LRRK1: variants seen among roughly 807,000 people sequenced by gnomAD.
The protein encoded by LRRK1 is leucine-rich repeat serine/threonine-protein kinase 1.
A neutral mutation model predicts 209.1 loss-of-function variants in LRRK1; 113 were observed. The observed-to-expected ratio is 0.54, with a 90% CI of 0.46 to 0.63. LRRK1 has a LOEUF of 0.63. Among genes scored for constraint, LRRK1 ranks in the 30% least tolerant of loss-of-function variants. The probability of loss-of-function intolerance (pLI) is 0.00; values close to 1 mark genes in which losing one functional copy is unlikely to be tolerated. For missense variants in LRRK1, 2,284 were observed against 2,632.2 expected (o/e 0.87, Z 2.89); for synonymous variants, 1,144 against 1,099.7 (o/e 1.04, Z -0.80).
intron 20 of LRRK1, among the ~76,000 whole-genome samples, chr15:101,037,115 T>G (rs2034522414): frequency 6.6e-6 from 1 of 152,148 alleles, no homozygotes; most frequent in African/African-American, 2.4e-5. Flanking sequence ...GGTAGTGGCA[T>G]CAGTGGGCCA....
intron 4 of LRRK1, 162 bp from the exon 5 acceptor site, chr15:100,988,472 A>C: frequency 1.4e-6 from 1 of 715,984 alleles, no homozygotes; most frequent in South Asian, 1.6e-5. Context: ...TGCAAAGTAC[A>C]TGATCTCATT....
intron 26 of LRRK1, 25 bp downstream of exon 26, chr15:101,053,445 G>C (rs762075888): frequency 6.5e-7 from 1 of 1,544,340 alleles, no homozygotes; most frequent in African/African-American, 1.4e-5. Flanking sequence ...CGCCCCACCC[G>C]GCCCCGGAGA....
At chr15:100,962,340 G>A (rs1017866826) in intron 2 of LRRK1, among the ~76,000 whole-genome samples, 21 of 152,070 alleles carry the variant, frequency 1.4e-4, no homozygotes, top group African/African-American at 4.8e-4. Flanking sequence ...GACCAGCCTG[G>A]CCAATGTGGC....
In LRRK1 at chr15:100,973,971, G is replaced by T; in HGVS notation, c.261+4G>T. 1 of 1,247,546 alleles carries T rather than the reference G, an allele frequency of 8.0e-7. No individual in the cohort carries two copies. The highest frequency in any genetic ancestry group is 3.7e-5 in the South Asian group (1 of 26,926). 77.3% of individuals were successfully genotyped at this position (1,247,546 alleles called of 1,614,324 possible). A position where few individuals can be genotyped will look rare whatever the true frequency, so the allele number is the denominator to read the frequency against. ...GTGCGCGTCCCAGCTGGAAAAGGTAGGGGAGCGCCTGCCCCTGCGGCCACC... is the reference window on the plus strand; with the variant it reads ...GTGCGCGTCCCAGCTGGAAAAGGTATGGGAGCGCCTGCCCCTGCGGCCACC... On this transcript the variant is annotated splice_donor_region_variant and intron_variant, in intron 3 of 33. Transcript: ENST00000388948.
In LRRK1 at chr15:101,070,926, A is replaced by G. The variant is rs550540098; in HGVS notation, c.*2078A>G. ...AACATTGCAACACAAATGAGAGACA[A>G]AGACCTCACTTATCTTCATTACAGA... On this transcript the variant is annotated 3_prime_UTR_variant, in exon 34 of 34. Coordinates refer to ENST00000388948, the MANE Select transcript of LRRK1 (RefSeq NM_024652.6). 50 of 152,372 alleles carry G rather than the reference A, an allele frequency of 3.3e-4. No homozygotes were observed. Among genetic ancestry groups the G allele is most frequent in the Non-Finnish European group, 6.5e-4 (44 of 68,040 alleles). The allele number at this position is 152,372 out of a possible 1,614,324, so 9.4% of individuals were successfully genotyped here.
intron 2 of LRRK1, among the ~76,000 whole-genome samples, chr15:100,967,253 T>C (rs2030522270): frequency 6.6e-6 from 1 of 152,204 alleles, no homozygotes; most frequent in African/African-American, 2.4e-5. Context: ...GCTGCCTTAT[T>C]CACACGTATA....
In LRRK1 at chr15:101,021,217, G is replaced by C. The variant is rs774388654; in HGVS notation, c.1739+35G>C. On this transcript the variant is annotated intron_variant, in intron 13 of 33. Coordinates refer to ENST00000388948, the MANE Select transcript of LRRK1 (RefSeq NM_024652.6). ...CATCTGGAGGGGCCGTGCTGGCTCT[G>C]CTGGCCCAGAGAGGCAGAACGCCCA... The C allele has an allele frequency of 6.8e-6, 11 of 1,611,342 alleles. No homozygotes were observed. The Admixed American group carries it at 1.7e-4, about 24-fold the overall frequency.
chr15:101,057,058 G>A lies in LRRK1; in HGVS notation c.4527+8G>A, dbSNP rs1364104417. The A allele has an allele frequency of 1.3e-6, 2 of 1,593,554 alleles. No individual in the cohort carries two copies. Among genetic ancestry groups the A allele is most frequent in the Non-Finnish European group, 1.7e-6 (2 of 1,168,768 alleles). ...GACACTAAGCCAGAGAAGGTACTTGGGGACACAGAGCCCAGGGCCTGGGAC... is the reference window on the plus strand; with the variant it reads ...GACACTAAGCCAGAGAAGGTACTTGAGGACACAGAGCCCAGGGCCTGGGAC... On this transcript the variant is annotated splice_region_variant and intron_variant, in intron 28 of 33. Coordinates refer to ENST00000388948, the MANE Select transcript of LRRK1 (RefSeq NM_024652.6).
At chr15:101,006,745 G>A (rs935893948) in intron 6 of LRRK1, among the ~76,000 whole-genome samples, 5 of 152,210 alleles carry the variant, frequency 3.3e-5, no homozygotes, top group African/African-American at 1.2e-4. Flanking sequence ...GTGTATTTGT[G>A]TGGAGAAAGA....
At position 101,076,184 on chromosome 15, in the gene LRRK1, T is replaced by C. The variant is rs1273166694; in HGVS notation, c.*7336T>C. The C allele has an allele frequency of 5.3e-5, 8 of 152,272 alleles. No homozygotes were observed. Among genetic ancestry groups the C allele is most frequent in the African/African-American group, 1.7e-4 (7 of 41,556 alleles). 9.4% of individuals were successfully genotyped at this position (152,272 alleles called of 1,614,324 possible). On this transcript the variant is annotated 3_prime_UTR_variant, in exon 34 of 34. Transcript: ENST00000388948. ...TGTTTTAGCCTAGCCCTCATGTCTC[T>C]GTGCAGCGGCTGCTGCCACCCTAAT...
At chr15:100,991,148 A>G (rs568315749) in intron 6 of LRRK1, among the ~76,000 whole-genome samples, 2 of 152,286 alleles carry the variant, frequency 1.3e-5, no homozygotes, top group Admixed American at 1.3e-4. Flanking sequence ...CCCAGTACCT[A>G]TATCTGTATA....
intron 2 of LRRK1, among the ~76,000 whole-genome samples, chr15:100,967,421 A>G (rs2030535561): frequency 6.6e-6 from 1 of 152,186 alleles, no homozygotes; most frequent in South Asian, 2.1e-4. Context: ...TTTCAGGACG[A>G]TTGCCTTTGA....
At chr15:100,960,518 T>A (rs2029878562) in intron 2 of LRRK1, among the ~76,000 whole-genome samples, 1 of 152,216 alleles carries the variant, frequency 6.6e-6, no homozygotes, top group Non-Finnish European at 1.5e-5. Flanking sequence ...TTATGTGATT[T>A]TTAATTTTCC....
At chr15:100,998,193 A>G (rs959895901) in intron 6 of LRRK1, among the ~76,000 whole-genome samples, 5 of 151,984 alleles carry the variant, frequency 3.3e-5, no homozygotes, top group African/African-American at 7.3e-5. Context: ...AAAAAAAAAA[A>G]AAAGAAAGGA....
Position 101,069,068 on chromosome 15 carries a change from A to G in LRRK1, c.*220A>G, listed in dbSNP as rs73490932. 12,663 of 434,730 alleles carry G rather than the reference A, an allele frequency of 0.029. 1,267 individuals carry two copies. The highest frequency in any genetic ancestry group is 0.22 in the African/African-American group (11,164 of 49,728). 26.9% of individuals were successfully genotyped at this position (434,730 alleles called of 1,614,324 possible). ...AGTTCTCTGAATACCCCATCCCCCA[A>G]CTGCTGATTTTACAGCCCCAGGGAA... is the stretch of plus-strand genomic sequence containing the variant. On this transcript the variant is annotated 3_prime_UTR_variant, in exon 34 of 34. Transcript: ENST00000388948.
intron 6 of LRRK1, among the ~76,000 whole-genome samples, chr15:100,999,024 T>G (rs1342105955): frequency 6.6e-6 from 1 of 152,250 alleles, no homozygotes; most frequent in African/African-American, 2.4e-5. Flanking sequence ...TTTTAATCTC[T>G]TATACAGCCT....
rs2036726117 is a variant in LRRK1 at position 101,069,905 on chromosome 15, C to T, written c.*1057C>T. The T allele has an allele frequency of 6.6e-6, 1 of 152,252 alleles. No individual in the cohort carries two copies. The highest frequency in any genetic ancestry group is 1.5e-5 in the Non-Finnish European group (1 of 68,050). 9.4% of individuals were successfully genotyped at this position (152,252 alleles called of 1,614,324 possible). A position where few individuals can be genotyped will look rare whatever the true frequency, so the allele number is the denominator to read the frequency against. On this transcript the variant is annotated 3_prime_UTR_variant, in exon 34 of 34. Coordinates refer to ENST00000388948, the MANE Select transcript of LRRK1 (RefSeq NM_024652.6). The stretch of plus-strand genomic sequence containing the variant: ...ACACACATGCACACACATATGCACA[C>T]ACATGTGCAAACATAGCCACTTTTT...
chr15:101,025,979 C>G lies in LRRK1; in HGVS notation c.2247C>G (p.Asn749Lys). The change falls in exon 17 of 34, where the codon AAC becomes AAG. Residue 749 changes from asparagine to lysine, a missense_variant. Asn to Lys is a moderately conservative substitution (Grantham distance 94). Coordinates refer to ENST00000388948, the MANE Select transcript of LRRK1 (RefSeq NM_024652.6). Reference protein sequence around the residue: ...WLLNIEAKAPNAVVLVVGTHL... With the variant: ...WLLNIEAKAPKAVVLVVGTHL... ...CTCTGTTGCAGGCCAAGGCCCCAAA[C>G]GCCGTGGTGCTGGTGGTCGGGACGC... The G allele has an allele frequency of 1.2e-6, 2 of 1,614,224 alleles. No homozygotes were observed. Among genetic ancestry groups the G allele is most frequent in the Non-Finnish European group, 1.7e-6 (2 of 1,180,042 alleles).
chr15:101,052,940 C>A lies in LRRK1; in HGVS notation c.3708C>A (p.Ser1236Arg). The A allele has an allele frequency of 6.2e-7, 1 of 1,607,992 alleles. No homozygotes were observed. The highest frequency in any genetic ancestry group is 8.5e-7 in the Non-Finnish European group (1 of 1,175,526). The part of the protein sequence containing the change: ...DFPARLFLEN[S>R]KLEHSEDEGS... The stretch of plus-strand genomic sequence containing the variant: ...GTGGCAGGCTCTTCCTGGAGAACAG[C>A]AAGCTGGAGCACAGCGAGGACGAGG... The change falls in exon 25 of 34, where the codon AGC (serine) becomes AGA (arginine). Residue 1236 changes from serine to arginine, a missense_variant. By Grantham distance (110) the Ser-to-Arg change is moderately radical. Transcript: ENST00000388948.
Sources: gnomAD v4.1 joint callset for allele counts (sites outside exome capture counted in the v4.1 genomes callset) on GRCh38, gnomAD v4.1.1 for gene constraint, MANE v1.5 for transcripts, NCBI Gene and HGNC (gene_info 2026-07-23, HGNC 2026-07-21) for gene names.